ADIPOR1: variants seen among roughly 807,000 people sequenced by gnomAD.
ADIPOR1 encodes the protein adiponectin receptor protein 1.
ADIPOR1 carries 15 observed loss-of-function variants against 37.5 expected under a neutral mutation model. That is an observed-to-expected ratio of 0.40 (90% CI 0.27 to 0.62). ADIPOR1 has a LOEUF of 0.62. ADIPOR1 is among the 20% of genes least tolerant of loss of function. ADIPOR1 has a pLI of 0.42. For synonymous variants in ADIPOR1, 173 were observed against 173.2 expected, an observed-to-expected ratio of 1.00 and a Z score of 0.01; for missense variants, 286 against 478.0, an observed-to-expected ratio of 0.60 and a Z score of 3.75.
Position 202,950,916 on chromosome 1 carries a change from GGAAGAT to G in ADIPOR1, c.141+8_141+13del. On this transcript the variant is annotated splice_region_variant and intron_variant, in intron 2 of 7. Coordinates refer to ENST00000340990, the MANE Select transcript of ADIPOR1 (RefSeq NM_015999.6). The stretch of plus-strand genomic sequence containing the variant: ...AAACTGAACAAGGGGATGACTCCTG[GGAAGAT>G]GACTTACTTTGGGTGGGTTGGCGAT... 1 of 1,614,086 alleles carries G rather than the reference GGAAGAT, an allele frequency of 6.2e-7. No individual in the cohort carries two copies. Among genetic ancestry groups the G allele is most frequent in the Non-Finnish European group, 8.5e-7 (1 of 1,180,000 alleles).
At position 202,950,907 on chromosome 1, in the gene ADIPOR1, T is replaced by C. The variant is rs1654550875; in HGVS notation, c.141+23A>G. 8 of 1,613,920 alleles carry C rather than the reference T, an allele frequency of 5.0e-6. No individual in the cohort carries two copies. In the Middle Eastern group the frequency reaches 5.0e-4, roughly 100 times the overall value. On this transcript the variant is annotated intron_variant, in intron 2 of 7. Coordinates refer to ENST00000340990, the MANE Select transcript of ADIPOR1 (RefSeq NM_015999.6). ...TAAGGAGAGAAACTGAACAAGGGGA[T>C]GACTCCTGGGAAGATGACTTACTTT...
At chr1:202,945,984 C>CA (rs964087929) in intron 4 of ADIPOR1, among the ~76,000 whole-genome samples, 4 of 127,070 alleles carry the variant, frequency 3.1e-5, no homozygotes, top group African/African-American at 6.4e-5. Flanking sequence ...TCCATGTAAC[C>CA]AAACCCCCCC....
At chr1:202,953,801 T>C (rs1654674439) in intron 1 of ADIPOR1, among the ~76,000 whole-genome samples, 1 of 152,250 alleles carries the variant, frequency 6.6e-6, no homozygotes, top group South Asian at 2.1e-4. Flanking sequence ...ACAATTTGAT[T>C]GCTCCAGGAG....
intron 1 of ADIPOR1, among the ~76,000 whole-genome samples, chr1:202,955,845 T>C (rs1404145530): frequency 6.6e-6 from 1 of 152,232 alleles, no homozygotes; most frequent in Non-Finnish European, 1.5e-5. Flanking sequence ...TGGCATGATC[T>C]GCTCACTGCA....
At chr1:202,949,988 G>A (rs971240245) in intron 2 of ADIPOR1, among the ~76,000 whole-genome samples, 1 of 151,942 alleles carries the variant, frequency 6.6e-6, no homozygotes, top group African/African-American at 2.4e-5. Context: ...TTCTGAGAGG[G>A]GGTTTCACTC....
In ADIPOR1 at chr1:202,940,887, C is replaced by T. The variant is rs756434162; in HGVS notation, c.*686G>A. 2.0e-5 allele frequency: 3 copies of T among 152,354 alleles called. No individual in the cohort carries two copies. The highest frequency in any genetic ancestry group is 4.4e-5 in the Non-Finnish European group (3 of 67,988). 9.4% of individuals were successfully genotyped at this position (152,354 alleles called of 1,614,324 possible). A position where few individuals can be genotyped will look rare whatever the true frequency, so the allele number is the denominator to read the frequency against. Reference sequence around the variant, plus strand: ...TTTATTAACATCATAGTCTTTGCATCAAGATACATAGCAATGATAGCAGGT... The same window carrying T: ...TTTATTAACATCATAGTCTTTGCATTAAGATACATAGCAATGATAGCAGGT... On this transcript the variant is annotated 3_prime_UTR_variant, in exon 8 of 8. Transcript: ENST00000340990.
In ADIPOR1 at chr1:202,958,301, G is replaced by C. The variant is rs1457286284; in HGVS notation, c.-211C>G. 6.6e-6 allele frequency: 1 copy of C among 152,218 alleles called. No homozygotes were observed. The highest frequency in any genetic ancestry group is 1.5e-5 in the Non-Finnish European group (1 of 68,092). 9.4% of individuals were successfully genotyped at this position (152,218 alleles called of 1,614,324 possible). On this transcript the variant is annotated 5_prime_UTR_variant, in exon 1 of 8. Transcript: ENST00000340990. The stretch of plus-strand genomic sequence containing the variant: ...TCAGCGCCCTCCCCGCGCCGGAAGG[G>C]GCGCGCGACCTCCCGCGTCACCTCC...
intron 3 of ADIPOR1, among the ~76,000 whole-genome samples, chr1:202,948,049 T>A (rs1243134913): frequency 1.3e-5 from 2 of 152,350 alleles, no homozygotes; most frequent in East Asian, 3.9e-4. Flanking sequence ...TATTGAAATA[T>A]TTTGATGACT....
chr1:202,949,946 T>C (rs1032603866), intron 2 of ADIPOR1, among the ~76,000 whole-genome samples: 3 of 152,088 alleles, frequency 2.0e-5, no homozygotes, highest in African/African-American at 7.2e-5. Context: ...TATGAGGTAC[T>C]TCCTGATAGT....
At chr1:202,949,585 A>AC (rs1372344543) in intron 2 of ADIPOR1, among the ~76,000 whole-genome samples, 1 of 149,728 alleles carries the variant, frequency 6.7e-6, no homozygotes, top group African/African-American at 2.4e-5. Flanking sequence ...TCTCCAAAAA[A>AC]AAAAAAAAAA....
chr1:202,956,157 A>C (rs973116265), intron 1 of ADIPOR1, among the ~76,000 whole-genome samples: 1 of 152,262 alleles, frequency 6.6e-6, no homozygotes, highest in African/African-American at 2.4e-5. Context: ...AGGTGACATT[A>C]GGGACAAATG....
At chr1:202,955,382 C>T (rs949143784) in intron 1 of ADIPOR1, among the ~76,000 whole-genome samples, 2 of 141,826 alleles carry the variant, frequency 1.4e-5, no homozygotes, top group African/African-American at 5.4e-5. Context: ...CATGTGCCAC[C>T]ATGCCCAGCT....
chr1:202,950,292 G>A (rs1022704213), intron 2 of ADIPOR1, among the ~76,000 whole-genome samples: 6 of 151,686 alleles, frequency 4.0e-5, no homozygotes, highest in Non-Finnish European at 7.4e-5. Flanking sequence ...GCAAAGAGTT[G>A]GCCGGGCACA....
chr1:202,953,769 GAT>G (rs1654673016), intron 1 of ADIPOR1, among the ~76,000 whole-genome samples: 1 of 152,206 alleles, frequency 6.6e-6, no homozygotes, highest in Non-Finnish European at 1.5e-5. Flanking sequence ...GGTAGTTTGT[GAT>G]ATGCACAAAA....
At chr1:202,955,731 A>G (rs1386844038) in intron 1 of ADIPOR1, among the ~76,000 whole-genome samples, 1 of 152,110 alleles carries the variant, frequency 6.6e-6, no homozygotes, top group Non-Finnish European at 1.5e-5. Flanking sequence ...AGCCTCCCAA[A>G]GTGCTGGGAT....
At chr1:202,948,860 C>T (rs1264880559) in intron 2 of ADIPOR1, among the ~76,000 whole-genome samples, 1 of 151,180 alleles carries the variant, frequency 6.6e-6, no homozygotes, top group Admixed American at 6.6e-5. Context: ...GGTGCGATCT[C>T]TGTTCACTGC....
At chr1:202,951,517 A>G (rs771191019) in intron 1 of ADIPOR1, among the ~76,000 whole-genome samples, 2 of 152,156 alleles carry the variant, frequency 1.3e-5, no homozygotes, top group Non-Finnish European at 2.9e-5. Context: ...ATCACTCCCA[A>G]AGCTCACTCT....
intron 5 of ADIPOR1, 135 bp from the exon 6 acceptor site, chr1:202,944,080 C>A: frequency 1.3e-6 from 1 of 757,304 alleles, no homozygotes; most frequent in Non-Finnish European, 2.1e-6. Flanking sequence ...TGTAGACTCC[C>A]ATACAATCTA....
intron 1 of ADIPOR1, among the ~76,000 whole-genome samples, chr1:202,957,718 T>C (rs1221049620): frequency 6.6e-6 from 1 of 152,186 alleles, no homozygotes; most frequent in African/African-American, 2.4e-5. Context: ...AGATTGTTGG[T>C]GGAGGAACCT....
Sources: gnomAD v4.1 joint callset for allele counts (sites outside exome capture counted in the v4.1 genomes callset) on GRCh38, gnomAD v4.1.1 for gene constraint, MANE v1.5 for transcripts, NCBI Gene and HGNC (gene_info 2026-07-23, HGNC 2026-07-21) for gene names.